FTO: variants seen among roughly 807,000 people sequenced by gnomAD.
FTO encodes alpha-ketoglutarate-dependent dioxygenase FTO.
In FTO, 47 loss-of-function variants were observed where a neutral mutation model predicts 63.9. The ratio of observed to expected loss-of-function variants is 0.74; its 90% CI spans 0.58 to 0.94. FTO has a LOEUF of 0.94. FTO is among the 40% of genes least tolerant of loss of function. The probability of loss-of-function intolerance (pLI) is 0.00; values close to 1 mark genes in which losing one functional copy is unlikely to be tolerated. For synonymous variants in FTO, 207 were observed against 224.4 expected (o/e 0.92, Z 0.69); for missense variants, 562 against 618.1 (o/e 0.91, Z 0.96).
intron 1 of FTO, among the ~76,000 whole-genome samples, chr16:53,726,652 T>A (rs2076159632): frequency 6.6e-6 from 1 of 152,182 alleles, no homozygotes; most frequent in African/African-American, 2.4e-5. Flanking sequence ...AATGGTCTCA[T>A]TTAGGACCTT....
chr16:53,873,727 A>G (rs1343212486), intron 4 of FTO, 59 bp from the exon 5 acceptor site: 2 of 1,267,818 alleles, frequency 1.6e-6, no homozygotes, highest in Non-Finnish European at 2.3e-6. Context: ...GTTAAATAAT[A>G]TATAGTATAT....
At chr16:53,722,307 G>A (rs1043729910) in intron 1 of FTO, among the ~76,000 whole-genome samples, 2 of 152,000 alleles carry the variant, frequency 1.3e-5, no homozygotes, top group African/African-American at 4.8e-5. Context: ...TTTCCCTATG[G>A]GGATTATAAG....
At chr16:54,084,372 G>T (rs890853185) in intron 8 of FTO, among the ~76,000 whole-genome samples, 1 of 152,164 alleles carries the variant, frequency 6.6e-6, no homozygotes, top group Non-Finnish European at 1.5e-5. Context: ...AGTTCATCCT[G>T]ATATTTGGGG....
chr16:54,063,396 A>T (rs910830399), intron 8 of FTO, among the ~76,000 whole-genome samples: 1 of 152,214 alleles, frequency 6.6e-6, no homozygotes, highest in Non-Finnish European at 1.5e-5. Context: ...ATTGTTTGAA[A>T]AAACAAGCAC....
rs79623992 is a variant in FTO at position 53,988,149 on chromosome 16, G to A, written c.1364+54040G>A. Among the ~76,000 whole-genome samples the A allele has an allele frequency of 1.6e-3, 247 of 152,326 alleles. 3 individuals carry two copies. The East Asian group carries it at 0.037, about 23-fold the overall frequency. ...TGTCTGGAACCAGGTAACATTTTAA[G>A]AGTTGCCCATTTGTTTCATACACGT... On this transcript the variant is annotated intron_variant, in intron 8 of 8. Transcript: ENST00000471389.
intron 8 of FTO, among the ~76,000 whole-genome samples, chr16:53,943,802 G>A (rs946430905): frequency 4.0e-5 from 6 of 150,320 alleles, no homozygotes; most frequent in African/African-American, 1.5e-4. Flanking sequence ...ATTTCAAGTT[G>A]CAGTGGGTCA....
chr16:53,874,516 A>G (rs2080592252), intron 5 of FTO, among the ~76,000 whole-genome samples: 1 of 152,214 alleles, frequency 6.6e-6, no homozygotes, highest in Non-Finnish European at 1.5e-5. Flanking sequence ...AGAGCAAGGC[A>G]TGAAAGGGAT....
chr16:54,107,639 A>G (rs2086787805), intron 8 of FTO, among the ~76,000 whole-genome samples: 1 of 142,462 alleles, frequency 7.0e-6, no homozygotes, highest in Non-Finnish European at 1.6e-5. Flanking sequence ...GGATGTTATA[A>G]AAGGCAGGAA....
At chr16:53,918,796 GT>G (rs747977213) in intron 7 of FTO, among the ~76,000 whole-genome samples, 1 of 152,178 alleles carries the variant, frequency 6.6e-6, no homozygotes, top group Non-Finnish European at 1.5e-5. Context: ...TCACATGGCA[GT>G]TTACCTTCAG....
intron 6 of FTO, among the ~76,000 whole-genome samples, chr16:53,885,514 A>G (rs1354182142): frequency 6.6e-6 from 1 of 152,210 alleles, no homozygotes; most frequent in Non-Finnish European, 1.5e-5. Context: ...GACTGGCATT[A>G]GTGGGAAAGG....
intron 7 of FTO, among the ~76,000 whole-genome samples, chr16:53,900,753 C>G (rs965888546): frequency 2.0e-5 from 3 of 151,256 alleles, no homozygotes; most frequent in African/African-American, 7.3e-5. Context: ...TGACAGAGGC[C>G]TTTGGGAATA....
intron 8 of FTO, among the ~76,000 whole-genome samples, chr16:54,027,567 T>TA (rs34493332): frequency 0.16 from 23,728 of 149,686 alleles, 2,086 homozygotes; most frequent in South Asian, 0.33. Context: ...CCTAAAGATT[T>TA]AAAAAAAAAA....
In FTO at chr16:53,832,029, A is replaced by C. The variant is rs190273487; in HGVS notation, c.751+5538A>C. On this transcript the variant is annotated intron_variant, in intron 3 of 8. Transcript: ENST00000471389. ...ACAGGAGAGCTCACAGAGGTGACCA[A>C]AGTAATCCAGACTAGGGATATGATG... Among the ~76,000 whole-genome samples the C allele has an allele frequency of 7.8e-4, 119 of 152,306 alleles. 1 individual carries two copies. Among genetic ancestry groups the C allele is most frequent in the African/African-American group, 2.8e-3 (117 of 41,560 alleles).
chr16:53,722,578 C>T (rs1324458322), intron 1 of FTO, among the ~76,000 whole-genome samples: 1 of 151,944 alleles, frequency 6.6e-6, no homozygotes, highest in African/African-American at 2.4e-5. Flanking sequence ...CCTGTAGTCC[C>T]AGCACTTTGG....
At chr16:53,735,389 A>G (rs1341183620) in intron 1 of FTO, among the ~76,000 whole-genome samples, 1 of 152,198 alleles carries the variant, frequency 6.6e-6, no homozygotes, top group Non-Finnish European at 1.5e-5. Flanking sequence ...AAGTAGTTTC[A>G]GTAGATATGG....
At chr16:53,927,323 TA>T (rs1437824948) in intron 7 of FTO, among the ~76,000 whole-genome samples, 1 of 152,180 alleles carries the variant, frequency 6.6e-6, no homozygotes, top group Non-Finnish European at 1.5e-5. Flanking sequence ...CTTAGGGTTC[TA>T]GTTTGGGTTA....
chr16:53,887,650 G>A (rs992230179), intron 6 of FTO, among the ~76,000 whole-genome samples: 1 of 152,214 alleles, frequency 6.6e-6, no homozygotes, highest in Non-Finnish European at 1.5e-5. Flanking sequence ...GTTTATTGGA[G>A]CATTTCAGAT....
intron 8 of FTO, among the ~76,000 whole-genome samples, chr16:54,041,590 C>T (rs760569190): frequency 5.3e-5 from 8 of 152,060 alleles, no homozygotes; most frequent in East Asian, 3.9e-4. Context: ...CTGTTTAGAC[C>T]GGAAGACCCT....
intron 1 of FTO, among the ~76,000 whole-genome samples, chr16:53,786,217 C>A (rs1216810725): frequency 1.3e-5 from 2 of 152,108 alleles, no homozygotes; most frequent in Non-Finnish European, 2.9e-5. Flanking sequence ...CTTATGATGA[C>A]CTTTCTTTAA....
Sources: gnomAD v4.1 joint callset for allele counts (sites outside exome capture counted in the v4.1 genomes callset) on GRCh38, gnomAD v4.1.1 for gene constraint, MANE v1.5 for transcripts, NCBI Gene and HGNC (gene_info 2026-07-23, HGNC 2026-07-21) for gene names.